Variants in DNM2 observed in about 807,000 individuals in gnomAD.
The protein encoded by DNM2 is dynamin-2.
Under a neutral mutation model 99.0 loss-of-function variants are expected in DNM2, and 15 were observed. That is an observed-to-expected ratio of 0.15 (90% CI 0.10 to 0.23). The LOEUF (loss-of-function observed/expected upper bound fraction) is 0.23. Among genes scored for constraint, DNM2 ranks in the 10% least tolerant of loss-of-function variants. DNM2 has a pLI of 1.00. For missense variants in DNM2, 742 were observed against 1,189.4 expected, an observed-to-expected ratio of 0.62 and a Z score of 5.53; for synonymous variants, 525 against 481.2, an observed-to-expected ratio of 1.09 and a Z score of -1.19.
In DNM2 at chr19:10,780,258, T is replaced by C. The variant is rs571416716; in HGVS notation, c.689-2702T>C. On this transcript the variant is annotated intron_variant, in intron 5 of 20. Coordinates refer to ENST00000389253, the MANE Select transcript of DNM2 (RefSeq NM_001005361.3). ...CGGGGCTGAGAAGCAAATCTGTGGC[T>C]GGCTGAGGTTTGGGGAGGATTTGCT... 13 of 153,520 alleles carry C rather than the reference T, an allele frequency of 8.5e-5. No individual in the cohort carries two copies. In the Admixed American group the frequency reaches 8.5e-4, roughly 10 times the overall value. The allele number at this position is 153,520 out of a possible 1,614,324, so 9.5% of individuals were successfully genotyped here.
At chr19:10,762,585 T>G (rs932373751) in intron 2 of DNM2, among the ~76,000 whole-genome samples, 17 of 152,150 alleles carry the variant, frequency 1.1e-4, no homozygotes, top group Non-Finnish European at 1.8e-4. Flanking sequence ...GCAGAGAGCC[T>G]TGGCCAGGAG....
At chr19:10,740,308 C>G (rs929417257) in intron 1 of DNM2, among the ~76,000 whole-genome samples, 1 of 151,752 alleles carries the variant, frequency 6.6e-6, no homozygotes, top group East Asian at 1.9e-4. Context: ...TTTGGTTTAC[C>G]CTCCTTTTCT....
At chr19:10,806,244 G>T (rs1383030484) in intron 13 of DNM2, among the ~76,000 whole-genome samples, 1 of 152,194 alleles carries the variant, frequency 6.6e-6, no homozygotes, top group Non-Finnish European at 1.5e-5. Context: ...TCTTGGCTGG[G>T]CACAGTAGCT....
chr19:10,790,056 C>T (rs558497936), intron 7 of DNM2, among the ~76,000 whole-genome samples: 2 of 152,278 alleles, frequency 1.3e-5, no homozygotes, highest in East Asian at 1.9e-4. Flanking sequence ...AAGAGCTGGG[C>T]CTTCTTGCTT....
At chr19:10,761,810 C>T (rs956459096) in intron 2 of DNM2, among the ~76,000 whole-genome samples, 20 of 152,146 alleles carry the variant, frequency 1.3e-4, no homozygotes, top group African/African-American at 4.3e-4. Context: ...GGCAAGAAGG[C>T]GTGTCTCCAG....
intron 1 of DNM2, among the ~76,000 whole-genome samples, chr19:10,724,389 G>A (rs1479073052): frequency 1.3e-5 from 2 of 152,270 alleles, no homozygotes; most frequent in Non-Finnish European, 2.9e-5. Context: ...ATGTTAGCCA[G>A]GATGGTCTCG....
At position 10,753,887 on chromosome 19, in the gene DNM2, C is replaced by A. The variant is rs1681880237; in HGVS notation, c.162-5851C>A. Among the ~76,000 whole-genome samples the A allele has an allele frequency of 2.0e-5, 3 of 152,104 alleles. No homozygotes were observed. The South Asian group carries it at 6.2e-4, about 31-fold the overall frequency. ...GGCCAAGCAGGTCTCGAACTCCTGA[C>A]CTCAAACGATCCACCCACCTCGGCC... On this transcript the variant is annotated intron_variant, in intron 1 of 20. Coordinates refer to ENST00000389253, the MANE Select transcript of DNM2 (RefSeq NM_001005361.3).
intron 2 of DNM2, among the ~76,000 whole-genome samples, chr19:10,768,127 A>C (rs1192008933): frequency 6.6e-6 from 1 of 152,080 alleles, no homozygotes; most frequent in African/African-American, 2.4e-5. Flanking sequence ...GTTGGCCGAC[A>C]GCAGAAGGAT....
intron 13 of DNM2, 175 bp from the exon 14 acceptor site, chr19:10,808,394 A>G (rs1172233593): frequency 3.3e-6 from 2 of 601,882 alleles, no homozygotes; most frequent in East Asian, 5.6e-5. Context: ...AACACCATGA[A>G]TATGATTAAT....
Position 10,793,990 on chromosome 19 carries a change from G to T in DNM2, c.1128+135G>T, listed in dbSNP as rs2071841059. The T allele has an allele frequency of 1.3e-5, 18 of 1,439,972 alleles. No homozygotes were observed. In the South Asian group the frequency reaches 1.9e-4, roughly 15 times the overall value. 89.2% of individuals were successfully genotyped at this position (1,439,972 alleles called of 1,614,324 possible). A position where few individuals can be genotyped will look rare whatever the true frequency, so the allele number is the denominator to read the frequency against. ...CTGAACTTGTGGTGGGCAGGGTGTG[G>T]CCTGGATGAGGTGTCCCCATGGGCT... On this transcript the variant is annotated intron_variant, in intron 8 of 20. Coordinates refer to ENST00000389253, the MANE Select transcript of DNM2 (RefSeq NM_001005361.3).
intron 6 of DNM2, among the ~76,000 whole-genome samples, chr19:10,783,739 C>T (rs1176847964): frequency 6.7e-6 from 1 of 150,222 alleles, no homozygotes; most frequent in Non-Finnish European, 1.5e-5. Context: ...CTCACTCTGT[C>T]ACCTAGGCTA....
At chr19:10,721,514 G>A (rs61692159) in intron 1 of DNM2, among the ~76,000 whole-genome samples, 5 of 152,172 alleles carry the variant, frequency 3.3e-5, no homozygotes, top group Non-Finnish European at 7.4e-5. Context: ...GCCTCTCTTT[G>A]GGTATGAGGG....
In DNM2 at chr19:10,795,454, G is replaced by A. The variant is rs2071898000; in HGVS notation, c.1196+15G>A. The A allele has an allele frequency of 2.5e-6, 4 of 1,613,962 alleles. No homozygotes were observed. Among genetic ancestry groups the A allele is most frequent in the Non-Finnish European group, 3.4e-6 (4 of 1,179,966 alleles). On this transcript the variant is annotated intron_variant, in intron 9 of 20. Coordinates refer to ENST00000389253, the MANE Select transcript of DNM2 (RefSeq NM_001005361.3). This position sits in a 1 kb window ranked among gnomAD's most constrained non-coding sequence, Gnocchi z 4.2. ...CATGGAGTCAGGCAAGTTCCACGAG[G>A]AGAGTCACCACTGTTCCTTCCTCTC...
At chr19:10,787,246 G>C (rs2071591072) in intron 7 of DNM2, among the ~76,000 whole-genome samples, 1 of 151,912 alleles carries the variant, frequency 6.6e-6, no homozygotes, top group African/African-American at 2.4e-5. Flanking sequence ...GAGGCGAGCG[G>C]ATCATGTCAG....
chr19:10,824,557 A>G, intron 17 of DNM2: 5 of 200,392 alleles, frequency 2.5e-5, no homozygotes, highest in South Asian at 8.8e-5. Context: ...TGCAATCCCA[A>G]CACTTTGGGA....
chr19:10,813,750 C>T (rs1466824089), intron 15 of DNM2, among the ~76,000 whole-genome samples: 2 of 150,566 alleles, frequency 1.3e-5, no homozygotes, highest in Non-Finnish European at 1.5e-5. Flanking sequence ...CACTTGAGCC[C>T]AGGAGATGGA....
chr19:10,799,212 G>C (rs891712704), intron 11 of DNM2, among the ~76,000 whole-genome samples: 1 of 152,172 alleles, frequency 6.6e-6, no homozygotes, highest in East Asian at 1.9e-4. Context: ...GGGAGACAGA[G>C]CGAGACCCCG....
At chr19:10,720,029 G>A (rs1260590119) in intron 1 of DNM2, among the ~76,000 whole-genome samples, 3 of 151,110 alleles carry the variant, frequency 2.0e-5, no homozygotes, top group African/African-American at 7.3e-5. Context: ...ATCTCAGGCT[G>A]GACTGTGGTG....
At chr19:10,762,430 G>A (rs978843946) in intron 2 of DNM2, among the ~76,000 whole-genome samples, 4 of 152,136 alleles carry the variant, frequency 2.6e-5, no homozygotes, top group Admixed American at 6.5e-5. Context: ...GGCTTGGAGC[G>A]GAGACTGCCC....
Sources: gnomAD v4.1 joint callset for allele counts (sites outside exome capture counted in the v4.1 genomes callset) on GRCh38, gnomAD v4.1.1 for gene constraint, Gnocchi (gnomAD v3.1) non-coding constraint, MANE v1.5 for transcripts, NCBI Gene and HGNC (gene_info 2026-07-23, HGNC 2026-07-21) for gene names.